Variants in GRM7 observed in about 807,000 individuals in gnomAD.
The protein encoded by GRM7 is metabotropic glutamate receptor 7.
A neutral mutation model predicts 84.5 loss-of-function variants in GRM7; 35 were observed. The observed-to-expected ratio is 0.41, with a 90% confidence interval of 0.32 to 0.55. The LOEUF (loss-of-function observed/expected upper bound fraction) is 0.55. Ranked by LOEUF, GRM7 falls within the 20% of genes least tolerant of loss-of-function variation. GRM7 has a pLI of 0.19. For synonymous variants in GRM7, 487 were observed against 455.1 expected, an observed-to-expected ratio of 1.07 and a Z score of -0.89; for missense variants, 1,003 against 1,194.6, an observed-to-expected ratio of 0.84 and a Z score of 2.36.
intron 1 of GRM7, among the ~76,000 whole-genome samples, chr3:7,114,779 G>C (rs769510232): frequency 1.3e-5 from 2 of 152,134 alleles, no homozygotes; most frequent in South Asian, 2.1e-4. Flanking sequence ...TGGGGTAAAA[G>C]TCAGAAACAG....
chr3:7,699,016 G>A (rs2125156900), intron 9 of GRM7, among the ~76,000 whole-genome samples: 1 of 152,258 alleles, frequency 6.6e-6, no homozygotes, highest in African/African-American at 2.4e-5. Context: ...CATGCTTTCG[G>A]CATCTTAGCT....
intron 9 of GRM7, among the ~76,000 whole-genome samples, chr3:7,705,204 C>T (rs1220889632): frequency 2.0e-5 from 3 of 152,074 alleles, no homozygotes; most frequent in Non-Finnish European, 4.4e-5. Context: ...TTGAAAGAAA[C>T]GTTCAGGACA....
At chr3:7,330,454 A>C (rs992180115) in intron 4 of GRM7, among the ~76,000 whole-genome samples, 3 of 151,960 alleles carry the variant, frequency 2.0e-5, no homozygotes, top group African/African-American at 7.3e-5. Flanking sequence ...TCCCTTTTTA[A>C]TGTGGTTCGG....
intron 2 of GRM7, among the ~76,000 whole-genome samples, chr3:7,195,979 A>G (rs1018875139): frequency 3.3e-5 from 5 of 152,004 alleles, no homozygotes; most frequent in African/African-American, 9.7e-5. Flanking sequence ...ATACTTGTAT[A>G]TCTATGACTA....
intron 1 of GRM7, among the ~76,000 whole-genome samples, chr3:6,968,997 C>T (rs768122089): frequency 1.3e-5 from 2 of 152,128 alleles, no homozygotes; most frequent in Non-Finnish European, 2.9e-5. Context: ...CTAACTCACT[C>T]CAATTTCAAT....
At chr3:6,904,311 A>G (rs933913217) in intron 1 of GRM7, among the ~76,000 whole-genome samples, 4 of 152,130 alleles carry the variant, frequency 2.6e-5, no homozygotes, top group South Asian at 2.1e-4. Context: ...GATTGTATTT[A>G]TAGTATTTAG....
intron 7 of GRM7, among the ~76,000 whole-genome samples, chr3:7,504,138 T>C (rs904882758): frequency 1.3e-5 from 2 of 152,200 alleles, no homozygotes; most frequent in Non-Finnish European, 2.9e-5. Context: ...TATAATACTT[T>C]TAGAGAAAGA....
chr3:7,035,964 C>T (rs780386668), intron 1 of GRM7, among the ~76,000 whole-genome samples: 11 of 152,196 alleles, frequency 7.2e-5, no homozygotes, highest in Non-Finnish European at 1.6e-4. Context: ...ATGACATGCA[C>T]CATTTTGTTT....
chr3:7,153,331 T>G (rs1251416818), intron 2 of GRM7, among the ~76,000 whole-genome samples: 1 of 152,102 alleles, frequency 6.6e-6, no homozygotes, highest in Non-Finnish European at 1.5e-5. Flanking sequence ...TAACCAGGGT[T>G]GTCTCTTTAT....
chr3:7,122,627 T>C (rs1693263589), intron 1 of GRM7, among the ~76,000 whole-genome samples: 1 of 152,210 alleles, frequency 6.6e-6, no homozygotes, highest in African/African-American at 2.4e-5. Context: ...TTTGGCTGAC[T>C]TACCTACACA....
intron 8 of GRM7, among the ~76,000 whole-genome samples, chr3:7,630,740 A>C (rs1697827419): frequency 6.6e-6 from 1 of 152,212 alleles, no homozygotes; most frequent in Non-Finnish European, 1.5e-5. Context: ...CATGTGACAC[A>C]CTTCCCTAGA....
At chr3:7,623,549 A>C (rs1268837636) in intron 8 of GRM7, among the ~76,000 whole-genome samples, 1 of 152,152 alleles carries the variant, frequency 6.6e-6, no homozygotes, top group Non-Finnish European at 1.5e-5. Context: ...CACACAAAGA[A>C]GCAATGAAGT....
At chr3:7,114,505 C>G (rs1196584977) in intron 1 of GRM7, among the ~76,000 whole-genome samples, 3 of 152,126 alleles carry the variant, frequency 2.0e-5, no homozygotes, top group Non-Finnish European at 4.4e-5. Context: ...ATAAAATTTA[C>G]TAAGGATTAA....
At chr3:7,142,635 G>T (rs1361758613) in intron 1 of GRM7, among the ~76,000 whole-genome samples, 3 of 152,056 alleles carry the variant, frequency 2.0e-5, no homozygotes, top group African/African-American at 7.2e-5. Context: ...TGCAATTTGG[G>T]TGGGGATACA....
At position 7,700,202 on chromosome 3, in the gene GRM7, G is replaced by A. The variant is rs116579265; in HGVS notation, c.2698+19907G>A. On this transcript the variant is annotated intron_variant, in intron 9 of 9. Coordinates refer to ENST00000357716, the MANE Select transcript of GRM7 (RefSeq NM_000844.4). Reference sequence around the variant, plus strand: ...GCTTTCAACAAGGGCACATCCCCGCGACTCAGTGGATGTCCCTGAACTCAA... The same window carrying A: ...GCTTTCAACAAGGGCACATCCCCGCAACTCAGTGGATGTCCCTGAACTCAA... 5.3e-4 allele frequency among the ~76,000 whole-genome samples: 81 copies of A among 152,190 alleles called. 1 individual carries two copies. The highest frequency in any genetic ancestry group is 1.8e-3 in the African/African-American group (74 of 41,550).
Position 7,099,827 on chromosome 3 carries a change from A to G in GRM7, c.520-46625A>G, listed in dbSNP as rs918148473. 1.9e-4 allele frequency among the ~76,000 whole-genome samples: 25 copies of G among 131,036 alleles called. 1 individual carries two copies. The highest frequency in any genetic ancestry group is 1.5e-4 in the Admixed American group (2 of 12,932). 86.0% of individuals were successfully genotyped at this position (131,036 alleles called of 152,430 possible). A position where few individuals can be genotyped will look rare whatever the true frequency, so the allele number is the denominator to read the frequency against. ...GTACACGCATTATACATGTGCACATACATGTATATGTACACGCATTATACA... is the reference window on the plus strand; with the variant it reads ...GTACACGCATTATACATGTGCACATGCATGTATATGTACACGCATTATACA... On this transcript the variant is annotated intron_variant, in intron 1 of 9. Transcript: ENST00000357716.
At chr3:7,708,346 A>G (rs1178168602) in intron 9 of GRM7, among the ~76,000 whole-genome samples, 1 of 148,484 alleles carries the variant, frequency 6.7e-6, no homozygotes, top group African/African-American at 2.6e-5. Context: ...AAAAGCAAAC[A>G]TGGCAAAAAA....
intron 8 of GRM7, among the ~76,000 whole-genome samples, chr3:7,593,742 G>A (rs1695907399): frequency 6.6e-6 from 1 of 152,108 alleles, no homozygotes; most frequent in African/African-American, 2.4e-5. Context: ...ATTTATGTAG[G>A]GCTTTGGAAT....
intron 1 of GRM7, among the ~76,000 whole-genome samples, chr3:7,119,424 G>A (rs1488804660): frequency 2.0e-5 from 3 of 151,998 alleles, no homozygotes; most frequent in Non-Finnish European, 4.4e-5. Flanking sequence ...ATGCCTTCTT[G>A]AGATTTCACA....
Sources: allele counts gnomAD v4.1 joint callset (sites outside exome capture counted in the v4.1 genomes callset), GRCh38; gene constraint gnomAD v4.1.1; transcripts MANE v1.5; gene names NCBI Gene and HGNC (gene_info 2026-07-23, HGNC 2026-07-21).